Variants in DGKH observed in about 807,000 individuals in gnomAD.
The protein encoded by DGKH is diacylglycerol kinase eta.
Under a neutral mutation model 159.3 loss-of-function variants are expected in DGKH, and 90 were observed. That is an observed-to-expected ratio of 0.57 (90% CI 0.48 to 0.67). The LOEUF is 0.67. Ranked by LOEUF, DGKH falls within the 30% of genes least tolerant of loss-of-function variation. The probability of loss-of-function intolerance (pLI) is 0.00; values close to 1 mark genes in which losing one functional copy is unlikely to be tolerated. For missense variants in DGKH, 1,181 were observed against 1,506.1 expected, an observed-to-expected ratio of 0.78 and a Z score of 3.57; for synonymous variants, 536 against 553.8, an observed-to-expected ratio of 0.97 and a Z score of 0.45.
intron 3 of DGKH, among the ~76,000 whole-genome samples, chr13:42,130,597 G>C (rs910768840): frequency 7.2e-5 from 11 of 152,070 alleles, no homozygotes; most frequent in African/African-American, 2.7e-4. Flanking sequence ...GTCCTCCCTG[G>C]AAAGCTACCA....
rs1958655659 is a variant in DGKH, at chr13:42,256,127, C to G, written n.4128-157C>G. ...CATGCCAGGCAAGGTGAACCCTACT[C>G]AGTGTGAAGCAATGACCATGGTTGT... On this transcript the variant is annotated intron_variant and non_coding_transcript_variant, in intron 30 of 30. Coordinates refer to the DGKH transcript ENST00000498255. 1.3e-5 allele frequency: 15 copies of G among 1,171,788 alleles called. 1 individual carries two copies. The South Asian group carries it at 1.5e-4, about 11-fold the overall frequency. 72.6% of individuals were successfully genotyped at this position (1,171,788 alleles called of 1,614,324 possible).
At chr13:42,171,493 A>G (rs1036305470) in intron 11 of DGKH, among the ~76,000 whole-genome samples, 2 of 152,076 alleles carry the variant, frequency 1.3e-5, no homozygotes, top group African/African-American at 4.8e-5. Context: ...ACCATTTCCT[A>G]TCGAGTGGGG....
At position 42,241,523 on chromosome 13, in the gene DGKH, C is replaced by T. The variant is rs972103643; in HGVS notation, c.*12335C>T. The T allele has an allele frequency of 6.6e-6, 1 of 152,186 alleles. No homozygotes were observed. Among genetic ancestry groups the T allele is most frequent in the South Asian group, 2.1e-4 (1 of 4,832 alleles). 9.4% of individuals were successfully genotyped at this position (152,186 alleles called of 1,614,324 possible). A position where few individuals can be genotyped will look rare whatever the true frequency, so the allele number is the denominator to read the frequency against. On this transcript the variant is annotated 3_prime_UTR_variant, in exon 30 of 30. Transcript: ENST00000337343. ...CTATTTCCACAGCCGTACATGTGAT[C>T]CCAGTGACTGATAGATCTGTAGAAT...
rs1477014655 is a variant in DGKH at position 42,099,057 on chromosome 13, C to T, written c.193-28406C>T. On this transcript the variant is annotated intron_variant, in intron 1 of 29. Coordinates refer to ENST00000337343, the MANE Select transcript of DGKH (RefSeq NM_178009.5). ...CCAGGATAGCAAGAGGTTGCTTCATCCCTGCTTGTGTAGCCTTTTGTCAAA... is the reference window on the plus strand; with the variant it reads ...CCAGGATAGCAAGAGGTTGCTTCATTCCTGCTTGTGTAGCCTTTTGTCAAA... 2.0e-5 allele frequency among the ~76,000 whole-genome samples: 3 copies of T among 152,150 alleles called. No homozygotes were observed. The East Asian group carries it at 5.8e-4, about 29-fold the overall frequency.
chr13:42,070,191 G>T, intron 1 of DGKH: 1 of 963,254 alleles, frequency 1.0e-6, no homozygotes, highest in Non-Finnish European at 1.7e-6. Flanking sequence ...AATCCATGGG[G>T]CTAAATGTCA....
rs1958254988 is a variant in DGKH, at chr13:42,230,297, T to A, written c.*1109T>A. 1 of 152,312 alleles carries A rather than the reference T, an allele frequency of 6.6e-6. No homozygotes were observed. The allele number at this position is 152,312 out of a possible 1,614,324, so 9.4% of individuals were successfully genotyped here. ...CTCTCTACAGTGACTTCTGACACGA[T>A]CTTCCAAACAGAAGGGATTTAAATT... On this transcript the variant is annotated 3_prime_UTR_variant, in exon 30 of 30. Coordinates refer to ENST00000337343, the MANE Select transcript of DGKH (RefSeq NM_178009.5).
chr13:42,243,327 A>G (rs1265669473), downstream of DGKH, among the ~76,000 whole-genome samples: 1 of 152,162 alleles, frequency 6.6e-6, no homozygotes, highest in Non-Finnish European at 1.5e-5. Context: ...GTGTGTATTG[A>G]TAGTTCATTT....
chr13:42,122,153 G>T (rs188110850), intron 1 of DGKH, among the ~76,000 whole-genome samples: 1 of 152,158 alleles, frequency 6.6e-6, no homozygotes, highest in East Asian at 1.9e-4. Flanking sequence ...AGAAGCTAAA[G>T]GGTGAAAGAG....
chr13:42,195,138 G>A, intron 17 of DGKH, 122 bp downstream of exon 17: 1 of 1,283,668 alleles, frequency 7.8e-7, no homozygotes, highest in South Asian at 1.6e-5. Context: ...GAATGTTCTT[G>A]TTATACTTTC....
intron 29 of DGKH, among the ~76,000 whole-genome samples, chr13:42,221,732 T>C (rs1369697645): frequency 6.6e-6 from 1 of 152,180 alleles, no homozygotes; most frequent in Non-Finnish European, 1.5e-5. Flanking sequence ...AGGTGATAAT[T>C]TGGCTGAAAA....
At chr13:42,040,625 G>A (rs1329226188) in intron 1 of DGKH, among the ~76,000 whole-genome samples, 2 of 151,260 alleles carry the variant, frequency 1.3e-5, no homozygotes, top group Admixed American at 6.6e-5. Flanking sequence ...ACCGCTCGGA[G>A]CCGCGCAGGG....
Position 42,181,835 on chromosome 13 carries a change from T to C in DGKH, c.1538+3615T>C, listed in dbSNP as rs547931528. On this transcript the variant is annotated intron_variant, in intron 13 of 29. Transcript: ENST00000337343. Reference sequence around the variant, plus strand: ...GGGCCACTGCTGGCAGCTGAGCTGCTGGTGCTGGCAGCTGAGCTGCTGGTG... The same window carrying C: ...GGGCCACTGCTGGCAGCTGAGCTGCCGGTGCTGGCAGCTGAGCTGCTGGTG... 5.2e-5 allele frequency: 10 copies of C among 193,236 alleles called. 1 individual carries two copies. Among genetic ancestry groups the C allele is most frequent in the South Asian group, 3.3e-4 (7 of 21,274 alleles). The allele number at this position is 193,236 out of a possible 1,614,324, so 12.0% of individuals were successfully genotyped here.
chr13:42,166,654 G>C lies in DGKH; in HGVS notation c.1098G>C (p.Met366Ile). ...LLNPAQVFDL[M>I]NGGPHLGLRL... Reference sequence around the variant, plus strand: ...ATCCGGCTCAGGTGTTTGATTTAATGAATGGAGGTCCTCATTTAGGGTAAC... The same window carrying C: ...ATCCGGCTCAGGTGTTTGATTTAATCAATGGAGGTCCTCATTTAGGGTAAC... The change falls in exon 9 of 30, where the codon ATG becomes ATC. Residue 366 changes from methionine to isoleucine, a missense_variant. This residue lies in a region of DGKH where 369 missense variants were observed against 519.4 expected (regional missense o/e 0.71). Transcript: ENST00000337343. 1 of 1,599,270 alleles carries C rather than the reference G, an allele frequency of 6.3e-7. No homozygotes were observed. Among genetic ancestry groups the C allele is most frequent in the Non-Finnish European group, 8.5e-7 (1 of 1,173,884 alleles).
At chr13:42,043,206 T>TAAAAC (rs1880617435) in intron 1 of DGKH, among the ~76,000 whole-genome samples, 1 of 151,990 alleles carries the variant, frequency 6.6e-6, no homozygotes, top group African/African-American at 2.4e-5. Flanking sequence ...TGTGTGTGTG[T>TAAAAC]ATATATATAT....
At chr13:42,077,621 G>C (rs1954124856) in intron 1 of DGKH, among the ~76,000 whole-genome samples, 1 of 152,222 alleles carries the variant, frequency 6.6e-6, no homozygotes, top group South Asian at 2.1e-4. Context: ...CCCTGGCCTT[G>C]AACTTTTATC....
chr13:42,053,336 TTAC>T (rs1881461590), intron 1 of DGKH, among the ~76,000 whole-genome samples: 1 of 148,704 alleles, frequency 6.7e-6, no homozygotes, highest in African/African-American at 2.5e-5. Context: ...AAAAAAAATC[TTAC>T]TACTACTACT....
At position 42,105,019 on chromosome 13, in the gene DGKH, ATATGTATG is replaced by A. The variant is rs34861728; in HGVS notation, c.193-22422_193-22415del. Among the ~76,000 whole-genome samples, 235 of 150,538 alleles carry A rather than the reference ATATGTATG, an allele frequency of 1.6e-3. 1 individual carries two copies. Among genetic ancestry groups the A allele is most frequent in the African/African-American group, 5.2e-3 (211 of 40,956 alleles). On this transcript the variant is annotated intron_variant, in intron 1 of 29. Coordinates refer to ENST00000337343, the MANE Select transcript of DGKH (RefSeq NM_178009.5). ...TTGTATCATGTGTTTATGTACATAC[ATATGTATG>A]TATGTATGTATGTATGTATGTGTAG...
chr13:42,211,579 T>C lies in DGKH; in HGVS notation c.3014+814T>C, dbSNP rs571249889. On this transcript the variant is annotated intron_variant, in intron 24 of 29. Transcript: ENST00000337343. ...CGTGTGTGGTGGTGGGCACCTGCAG[T>C]CCCAGTTCCTCAGGAGGCTGAGGCA... 2.0e-5 allele frequency among the ~76,000 whole-genome samples: 3 copies of C among 152,178 alleles called. No individual in the cohort carries two copies. In the South Asian group the frequency reaches 6.2e-4, roughly 32 times the overall value.
intron 1 of DGKH, among the ~76,000 whole-genome samples, chr13:42,078,548 C>T (rs1954140981): frequency 6.6e-6 from 1 of 152,120 alleles, no homozygotes; most frequent in Non-Finnish European, 1.5e-5. Context: ...CATCCAGAAC[C>T]TATGGGAGTC....
Sources: allele counts gnomAD v4.1 joint callset (sites outside exome capture counted in the v4.1 genomes callset), GRCh38; gene constraint gnomAD v4.1.1; regional missense constraint gnomAD v4.1.1; transcripts MANE v1.5; gene names NCBI Gene and HGNC (gene_info 2026-07-23, HGNC 2026-07-21).